IQGAP2: variants seen among roughly 807,000 people sequenced by gnomAD.
IQGAP2 encodes IQ motif containing GTPase activating protein 2.
IQGAP2 carries 173 observed loss-of-function variants against 201.3 expected under a neutral mutation model. That is an observed-to-expected ratio of 0.86 (90% CI 0.76 to 0.98). The LOEUF (loss-of-function observed/expected upper bound fraction) is 0.98, where lower values mean the gene tolerates loss of function less well. Ranked by LOEUF, IQGAP2 falls within the 50% of genes least tolerant of loss-of-function variation. The probability of loss-of-function intolerance (pLI) is 0.00; values close to 1 mark genes in which losing one functional copy is unlikely to be tolerated. For synonymous variants in IQGAP2, 675 were observed against 673.9 expected, an observed-to-expected ratio of 1.00 and a Z score of -0.03; for missense variants, 1,687 against 1,864.8, an observed-to-expected ratio of 0.90 and a Z score of 1.76.
chr5:76,481,731 A>G (rs1270910094), intron 2 of IQGAP2, among the ~76,000 whole-genome samples: 1 of 152,204 alleles, frequency 6.6e-6, no homozygotes, highest in Non-Finnish European at 1.5e-5. Context: ...TTTATTTTAT[A>G]CTAAGTCTTT....
chr5:76,514,442 C>G (rs1758182339), intron 2 of IQGAP2, among the ~76,000 whole-genome samples: 1 of 152,146 alleles, frequency 6.6e-6, no homozygotes, highest in African/African-American at 2.4e-5. Flanking sequence ...TTTCTCTCTC[C>G]CATTCCAGCT....
intron 35 of IQGAP2, among the ~76,000 whole-genome samples, chr5:76,703,189 T>C (rs925416395): frequency 2.0e-5 from 3 of 152,040 alleles, no homozygotes; most frequent in African/African-American, 7.2e-5. Context: ...AGGGTCTTGC[T>C]CTGTCGCCCA....
intron 16 of IQGAP2, among the ~76,000 whole-genome samples, chr5:76,638,957 C>A (rs1446327625): frequency 6.6e-6 from 1 of 152,142 alleles, no homozygotes; most frequent in East Asian, 1.9e-4. Flanking sequence ...TTGGAATCAA[C>A]CCTTGTAGCA....
At chr5:76,504,965 C>T (rs972166890) in intron 2 of IQGAP2, among the ~76,000 whole-genome samples, 2 of 152,172 alleles carry the variant, frequency 1.3e-5, no homozygotes, top group Admixed American at 6.5e-5. Flanking sequence ...ACACCAGCCC[C>T]CACTTGCTGA....
chr5:76,597,323 T>C, intron 9 of IQGAP2, 116 bp from the exon 10 acceptor site: 1 of 999,900 alleles, frequency 1.0e-6, no homozygotes, highest in Non-Finnish European at 1.5e-6. Context: ...CTGCAGCTTT[T>C]CAGAGTTCAT....
Position 76,662,147 on chromosome 5 carries a change from G to A in IQGAP2, c.2530-2879G>A, listed in dbSNP as rs552818909. On this transcript the variant is annotated intron_variant, in intron 21 of 35. Coordinates refer to ENST00000274364, the MANE Select transcript of IQGAP2 (RefSeq NM_006633.5). Reference sequence around the variant, plus strand: ...TCCATTCACACAAGCACATTCTGGAGCAAGTCAGAACCTCACAGGGAGAAG... The same window carrying A: ...TCCATTCACACAAGCACATTCTGGAACAAGTCAGAACCTCACAGGGAGAAG... Among the ~76,000 whole-genome samples, 5 of 152,316 alleles carry A rather than the reference G, an allele frequency of 3.3e-5. No individual in the cohort carries two copies. In the East Asian group the frequency reaches 9.6e-4, roughly 29 times the overall value.
intron 1 of IQGAP2, among the ~76,000 whole-genome samples, chr5:76,442,404 CA>C (rs1160296194): frequency 6.6e-6 from 1 of 152,148 alleles, no homozygotes; most frequent in Non-Finnish European, 1.5e-5. Context: ...TGACATAATA[CA>C]GACCTATGAA....
At chr5:76,637,710 C>T (rs1751258044) in intron 16 of IQGAP2, among the ~76,000 whole-genome samples, 1 of 152,152 alleles carries the variant, frequency 6.6e-6, no homozygotes, top group South Asian at 2.1e-4. Context: ...TTGCTTCTTC[C>T]GAGATGGTCA....
chr5:76,699,605 T>TTCTCTCTCTCTCTC (rs757841586), intron 33 of IQGAP2: 6 of 49,530 alleles, frequency 1.2e-4, no homozygotes, highest in Non-Finnish European at 1.5e-4. Flanking sequence ...TTCTCTCTGT[T>TTCTCTCTCTCTCTC]TCTCTCTCTC....
At position 76,408,977 on chromosome 5, in the gene IQGAP2, A is replaced by G. The variant is rs573541240; in HGVS notation, c.46+5386A>G. Among the ~76,000 whole-genome samples, 3 of 152,114 alleles carry G rather than the reference A, an allele frequency of 2.0e-5. No individual in the cohort carries two copies. The South Asian group carries it at 6.2e-4, about 32-fold the overall frequency. ...CCAGCTAATTTTTGTATGTTTTAGT[A>G]GAGGTGGGGTTTCCCCGTGTGGTCA... On this transcript the variant is annotated intron_variant, in intron 1 of 35. Coordinates refer to ENST00000274364, the MANE Select transcript of IQGAP2 (RefSeq NM_006633.5).
Position 76,671,749 on chromosome 5 carries a change from GC to G in IQGAP2, c.2844-9del, listed in dbSNP as rs760624643. Reference sequence around the variant, plus strand: ...AGCAAACCATTTTGTTTTGTCTTGGGCTTTTTTAGATCAAAAGTGGACCAGG... The same window carrying G: ...AGCAAACCATTTTGTTTTGTCTTGGGTTTTTTAGATCAAAAGTGGACCAGG... On this transcript the variant is annotated splice_polypyrimidine_tract_variant and intron_variant, in intron 23 of 35. Coordinates refer to ENST00000274364, the MANE Select transcript of IQGAP2 (RefSeq NM_006633.5). The G allele has an allele frequency of 6.3e-7, 1 of 1,595,320 alleles. No individual in the cohort carries two copies. The highest frequency in any genetic ancestry group is 8.6e-7 in the Non-Finnish European group (1 of 1,164,614).
chr5:76,498,368 T>A (rs1757101225), intron 2 of IQGAP2, among the ~76,000 whole-genome samples: 1 of 152,208 alleles, frequency 6.6e-6, no homozygotes, highest in Non-Finnish European at 1.5e-5. Flanking sequence ...TGGTGTTATA[T>A]CCATTTGACA....
At chr5:76,585,609 G>A (rs770332268) in intron 5 of IQGAP2, among the ~76,000 whole-genome samples, 1 of 151,698 alleles carries the variant, frequency 6.6e-6, no homozygotes, top group Admixed American at 6.6e-5. Context: ...CCACCTCCTG[G>A]GTTCAAGCGA....
At chr5:76,484,968 A>T (rs1341437497) in intron 2 of IQGAP2, among the ~76,000 whole-genome samples, 2 of 152,226 alleles carry the variant, frequency 1.3e-5, no homozygotes, top group Non-Finnish European at 2.9e-5. Context: ...AGCTGGGACT[A>T]CAGGTGTATG....
At chr5:76,427,658 A>G (rs1122058) in intron 1 of IQGAP2, among the ~76,000 whole-genome samples, 4,911 of 152,248 alleles carry the variant, frequency 0.032, 145 homozygotes, top group African/African-American at 0.075. Context: ...ATTTGGTGAA[A>G]TTGCAGATTC....
At chr5:76,702,368 T>A (rs1747479902) in intron 34 of IQGAP2, 114 bp from the exon 35 acceptor site, 2 of 609,636 alleles carry the variant, frequency 3.3e-6, no homozygotes, top group African/African-American at 3.8e-5. Context: ...TCCTTAGGAT[T>A]TTCTCAACAA....
rs78824965 is a variant in IQGAP2 at position 76,650,601 on chromosome 5, C to T, written c.2095-2149C>T. On this transcript the variant is annotated intron_variant, in intron 17 of 35. Transcript: ENST00000274364. ...CCAAAATACAGAGCATTGCCATAGTCAGTATATATGACCTTACTTTACTCT... is the reference window on the plus strand; with the variant it reads ...CCAAAATACAGAGCATTGCCATAGTTAGTATATATGACCTTACTTTACTCT... Among the ~76,000 whole-genome samples the T allele has an allele frequency of 8.0e-3, 1,221 of 152,298 alleles. 6 individuals carry two copies. The highest frequency in any genetic ancestry group is 0.037 in the Middle Eastern group (11 of 294).
At chr5:76,574,091 T>A (rs1479557087) in intron 4 of IQGAP2, among the ~76,000 whole-genome samples, 2 of 152,176 alleles carry the variant, frequency 1.3e-5, no homozygotes, top group Non-Finnish European at 2.9e-5. Context: ...CAGTGACCAA[T>A]AGGAAATTGC....
In IQGAP2 at chr5:76,674,566, T is replaced by G. The variant is rs755835503; in HGVS notation, c.3384T>G (p.Gly1128=). 3.5e-5 allele frequency: 57 copies of G among 1,613,390 alleles called. No homozygotes were observed. The highest frequency in any genetic ancestry group is 4.3e-5 in the Non-Finnish European group (51 of 1,179,902). ...GFDIIDMTAG[G]QINSDQRRNL... ...ATATCATCGACATGACAGCTGGAGG[T>G]CAGATAAATTCTGACCAAAGGAGAA... Residue 1128 remains glycine, a synonymous_variant, in exon 27 of 36, where the codon GGT becomes GGG. Coordinates refer to ENST00000274364, the MANE Select transcript of IQGAP2 (RefSeq NM_006633.5).
Sources: allele counts gnomAD v4.1 joint callset (sites outside exome capture counted in the v4.1 genomes callset), GRCh38; gene constraint gnomAD v4.1.1; transcripts MANE v1.5; gene names NCBI Gene and HGNC (gene_info 2026-07-23, HGNC 2026-07-21).